Variants in FSHR observed in about 807,000 individuals in gnomAD.
The protein encoded by FSHR is follicle-stimulating hormone receptor.
In FSHR, 46 loss-of-function variants were observed where a neutral mutation model predicts 52.1. The observed-to-expected ratio is 0.88, with a 90% CI of 0.70 to 1.13. FSHR has a LOEUF of 1.13. Ranked by LOEUF, FSHR falls within the 50% of genes most tolerant of loss-of-function variation. The pLI is 0.00. For synonymous variants in FSHR, 399 were observed against 309.6 expected (o/e 1.29, Z -3.03); for missense variants, 964 against 834.6 (o/e 1.16, Z -1.91).
At position 49,055,558 on chromosome 2, in the gene FSHR, A is replaced by C. The variant is rs1188620172; in HGVS notation, c.224+12661T>G. On this transcript the variant is annotated intron_variant, in intron 2 of 9. Coordinates refer to ENST00000406846, the MANE Select transcript of FSHR (RefSeq NM_000145.4). ...AAAAAAAAAAAAAAAAAAAAAAAAAAAAAAACCCAAATAGGGTCAATCCCA... is the reference window on the plus strand; with the variant it reads ...AAAAAAAAAAAAAAAAAAAAAAAAACAAAAACCCAAATAGGGTCAATCCCA... Among the ~76,000 whole-genome samples the C allele has an allele frequency of 1.1e-4, 16 of 144,382 alleles. 1 individual carries two copies. In the South Asian group the frequency reaches 3.1e-3, roughly 28 times the overall value. 94.7% of individuals were successfully genotyped at this position (144,382 alleles called of 152,430 possible). A position where few individuals can be genotyped will look rare whatever the true frequency, so the allele number is the denominator to read the frequency against.
chr2:48,996,031 TG>T (rs1197683891), intron 4 of FSHR, among the ~76,000 whole-genome samples: 4 of 152,042 alleles, frequency 2.6e-5, no homozygotes, highest in Non-Finnish European at 5.9e-5. Context: ...CTGCCAGTTG[TG>T]TGTCCAGTTT....
chr2:49,096,586 A>T (rs1421026808), intron 1 of FSHR, among the ~76,000 whole-genome samples: 1 of 152,220 alleles, frequency 6.6e-6, no homozygotes, highest in Non-Finnish European at 1.5e-5. Context: ...TTGTTCACTT[A>T]AAAAGAGTGA....
chr2:49,014,533 C>T (rs1407800507), intron 4 of FSHR, among the ~76,000 whole-genome samples: 1 of 152,096 alleles, frequency 6.6e-6, no homozygotes, highest in African/African-American at 2.4e-5. Flanking sequence ...CACATCCTTA[C>T]AAGTTCAAGT....
intron 1 of FSHR, among the ~76,000 whole-genome samples, chr2:49,085,881 G>A (rs1000328965): frequency 2.6e-5 from 4 of 151,318 alleles, no homozygotes; most frequent in African/African-American, 4.9e-5. Flanking sequence ...ACCAAACACC[G>A]CGTGTTCTCG....
At chr2:48,985,994 T>A (rs937375000) in intron 6 of FSHR, among the ~76,000 whole-genome samples, 3 of 151,956 alleles carry the variant, frequency 2.0e-5, no homozygotes, top group Non-Finnish European at 2.9e-5. Context: ...ATTACAGGCG[T>A]GAGCCACCGC....
intron 2 of FSHR, among the ~76,000 whole-genome samples, chr2:49,032,278 C>T (rs1188357520): frequency 1.3e-5 from 2 of 152,182 alleles, no homozygotes; most frequent in Admixed American, 1.3e-4. Flanking sequence ...GGCTGTCACA[C>T]CAGCTGCACT....
At chr2:49,146,449 A>T (rs1016210128) in intron 1 of FSHR, among the ~76,000 whole-genome samples, 1 of 151,986 alleles carries the variant, frequency 6.6e-6, no homozygotes, top group Non-Finnish European at 1.5e-5. Context: ...ATTGCTGGAG[A>T]TAGGATCCCT....
At chr2:48,972,484 A>T (rs1450168446) in intron 8 of FSHR, among the ~76,000 whole-genome samples, 2 of 151,924 alleles carry the variant, frequency 1.3e-5, no homozygotes, top group African/African-American at 4.8e-5. Flanking sequence ...TATACTTCCC[A>T]TTGTTTTAGA....
intron 6 of FSHR, 31 bp from the exon 7 acceptor site, chr2:48,983,197 A>T (rs1436620807): frequency 6.3e-7 from 1 of 1,589,796 alleles, no homozygotes; most frequent in East Asian, 2.2e-5. Context: ...AAAAACCAAT[A>T]ATGTCAGATG....
chr2:49,004,827 G>A (rs1667021872), intron 4 of FSHR, among the ~76,000 whole-genome samples: 1 of 152,042 alleles, frequency 6.6e-6, no homozygotes, highest in East Asian at 1.9e-4. Context: ...AAGACAGACA[G>A]GTCTTATTTC....
At chr2:49,089,763 A>G (rs1265004225) in intron 1 of FSHR, among the ~76,000 whole-genome samples, 2 of 152,298 alleles carry the variant, frequency 1.3e-5, no homozygotes, top group East Asian at 1.9e-4. Flanking sequence ...CTATTGATCT[A>G]AAAAATAAAT....
In FSHR at chr2:49,028,830, T is replaced by A. The variant is rs139017235; in HGVS notation, c.225-8670A>T. Among the ~76,000 whole-genome samples the A allele has an allele frequency of 8.9e-3, 1,355 of 152,214 alleles. 10 individuals carry two copies. Among genetic ancestry groups the A allele is most frequent in the Non-Finnish European group, 0.013 (906 of 67,998 alleles). On this transcript the variant is annotated intron_variant, in intron 2 of 9. Coordinates refer to ENST00000406846, the MANE Select transcript of FSHR (RefSeq NM_000145.4). The stretch of plus-strand genomic sequence containing the variant: ...TGGCAAAGCTGCTTTTGCCCTGGGG[T>A]CTTAAATAAAATGCTGAGAAATACC...
At chr2:48,986,355 A>G (rs1028797871) in intron 6 of FSHR, among the ~76,000 whole-genome samples, 4 of 149,058 alleles carry the variant, frequency 2.7e-5, no homozygotes, top group African/African-American at 7.4e-5. Flanking sequence ...ATTGCTATCC[A>G]TAGAATACTT....
chr2:49,048,629 T>C (rs1485036712), intron 2 of FSHR, among the ~76,000 whole-genome samples: 1 of 152,244 alleles, frequency 6.6e-6, no homozygotes, highest in African/African-American at 2.4e-5. Flanking sequence ...TTGCTATCTC[T>C]CTGCCCAGAC....
At chr2:48,998,367 TG>T (rs2104133510) in intron 4 of FSHR, among the ~76,000 whole-genome samples, 1 of 152,238 alleles carries the variant, frequency 6.6e-6, no homozygotes, top group African/African-American at 2.4e-5. Context: ...CTGAAAGTGA[TG>T]TATGTCATTA....
At chr2:49,141,198 T>C (rs1254849620) in intron 1 of FSHR, among the ~76,000 whole-genome samples, 1 of 152,128 alleles carries the variant, frequency 6.6e-6, no homozygotes, top group Non-Finnish European at 1.5e-5. Context: ...ACTGATTGAA[T>C]CTCTCTTTCT....
intron 1 of FSHR, among the ~76,000 whole-genome samples, chr2:49,138,501 C>A (rs975472959): frequency 1.3e-5 from 2 of 152,112 alleles, no homozygotes; most frequent in Non-Finnish European, 2.9e-5. Context: ...CATATCCATA[C>A]AATTAAATAT....
intron 4 of FSHR, among the ~76,000 whole-genome samples, chr2:49,015,106 T>C (rs1431245186): frequency 6.6e-6 from 1 of 152,150 alleles, no homozygotes. Context: ...TCTTATTTGG[T>C]TTTTACAGCC....
chr2:49,149,468 C>T (rs141777246), intron 1 of FSHR, among the ~76,000 whole-genome samples: 2 of 152,146 alleles, frequency 1.3e-5, no homozygotes, highest in African/African-American at 4.8e-5. Flanking sequence ...GGAATTTATC[C>T]TGATGGCTGG....
Sources: allele counts gnomAD v4.1 joint callset (sites outside exome capture counted in the v4.1 genomes callset), GRCh38; gene constraint gnomAD v4.1.1; transcripts MANE v1.5; gene names NCBI Gene and HGNC (gene_info 2026-07-23, HGNC 2026-07-21).